Variants in NTM observed in about 807,000 individuals in gnomAD.
The protein encoded by NTM is IgLON family member 2.
A neutral mutation model predicts 42.1 loss-of-function variants in NTM; 13 were observed. That is an observed-to-expected ratio of 0.31 (90% CI 0.20 to 0.49). NTM has a LOEUF of 0.49. Among genes scored for constraint, NTM ranks in the 20% least tolerant of loss-of-function variants. NTM has a pLI of 0.99. For missense variants in NTM, 373 were observed against 452.8 expected, an observed-to-expected ratio of 0.82 and a Z score of 1.60; for synonymous variants, 187 against 179.2, an observed-to-expected ratio of 1.04 and a Z score of -0.35.
chr11:132,031,478 AT>A (rs1484534759), intron 2 of NTM, among the ~76,000 whole-genome samples: 1 of 152,012 alleles, frequency 6.6e-6, no homozygotes, highest in East Asian at 1.9e-4. Flanking sequence ...CATCTTCTGG[AT>A]TTGTTTTTCA....
chr11:132,297,332 T>A (rs1307999655), intron 4 of NTM, among the ~76,000 whole-genome samples: 5 of 152,238 alleles, frequency 3.3e-5, no homozygotes, highest in African/African-American at 9.6e-5. Flanking sequence ...CCATCACTAA[T>A]AAATGGGATT....
At chr11:131,673,653 C>T (rs559647520) in intron 1 of NTM, among the ~76,000 whole-genome samples, 5 of 152,248 alleles carry the variant, frequency 3.3e-5, no homozygotes, top group South Asian at 4.1e-4. Flanking sequence ...CTCTTCCATC[C>T]CTCACTGGGA....
chr11:131,772,250 G>A (rs1339763050), intron 1 of NTM, among the ~76,000 whole-genome samples: 6 of 152,112 alleles, frequency 3.9e-5, no homozygotes, highest in African/African-American at 7.2e-5. Flanking sequence ...GAGTATAGGA[G>A]GCCGAATTCT....
Position 132,002,990 on chromosome 11 carries a change from T to C in NTM, c.167+91342T>C, listed in dbSNP as rs535289321. Among the ~76,000 whole-genome samples, 2 of 152,182 alleles carry C rather than the reference T, an allele frequency of 1.3e-5. No individual in the cohort carries two copies. Among genetic ancestry groups the C allele is most frequent in the Non-Finnish European group, 2.9e-5 (2 of 68,042 alleles). ...TCAAGAAGCTTTTACTGTCCGCCTG[T>C]CAAAGTTCCTGAGCAGCAGCTGATT... is the stretch of plus-strand genomic sequence containing the variant. On this transcript the variant is annotated intron_variant, in intron 2 of 8. Coordinates refer to ENST00000683400, the MANE Select transcript of NTM (RefSeq NM_001352005.2). The surrounding 1 kb of genome is among the most constrained non-coding windows in gnomAD (Gnocchi z 4.5).
At chr11:132,016,909 C>A (rs2073513935) in intron 2 of NTM, among the ~76,000 whole-genome samples, 1 of 151,904 alleles carries the variant, frequency 6.6e-6, no homozygotes, top group Admixed American at 6.6e-5. Flanking sequence ...CTTTGAGAAT[C>A]TTTTCACATG....
chr11:132,171,490 C>A (rs2076112662), intron 3 of NTM, among the ~76,000 whole-genome samples: 1 of 152,126 alleles, frequency 6.6e-6, no homozygotes, highest in African/African-American at 2.4e-5. Flanking sequence ...CTCTTTCTAG[C>A]CTTTTTTATA....
At chr11:132,242,220 G>T (rs1251867209) in intron 4 of NTM, among the ~76,000 whole-genome samples, 2 of 152,178 alleles carry the variant, frequency 1.3e-5, no homozygotes, top group Non-Finnish European at 2.9e-5. Flanking sequence ...AAGCTGTCTT[G>T]ATTTGCATTA....
At chr11:132,199,462 C>T (rs1369786334) in intron 3 of NTM, among the ~76,000 whole-genome samples, 1 of 152,192 alleles carries the variant, frequency 6.6e-6, no homozygotes, top group Non-Finnish European at 1.5e-5. Flanking sequence ...CAGTGGCGTA[C>T]ATCTTTTACA....
At chr11:131,990,036 G>C (rs1343016438) in intron 2 of NTM, among the ~76,000 whole-genome samples, 1 of 152,092 alleles carries the variant, frequency 6.6e-6, no homozygotes, top group Non-Finnish European at 1.5e-5. Flanking sequence ...TATGTAGCTG[G>C]AATTTTGAGA....
At chr11:131,711,818 C>T (rs2077169084) in intron 1 of NTM, among the ~76,000 whole-genome samples, 1 of 151,872 alleles carries the variant, frequency 6.6e-6, no homozygotes. Context: ...ATGACGAGTT[C>T]ATGTCCTTTG....
intron 2 of NTM, among the ~76,000 whole-genome samples, chr11:132,133,435 T>A (rs952674723): frequency 6.6e-6 from 1 of 152,246 alleles, no homozygotes; most frequent in Non-Finnish European, 1.5e-5. Context: ...AATGAACATT[T>A]GGCAAATAAA....
chr11:131,684,969 G>A (rs898809131), intron 1 of NTM, among the ~76,000 whole-genome samples: 6 of 152,204 alleles, frequency 3.9e-5, no homozygotes, highest in African/African-American at 1.4e-4. Flanking sequence ...GTGGACGCTG[G>A]CCCAGAGCCC....
At chr11:131,646,264 A>G (rs959091332) in intron 1 of NTM, among the ~76,000 whole-genome samples, 25 of 152,238 alleles carry the variant, frequency 1.6e-4, no homozygotes, top group African/African-American at 6.0e-4. Context: ...AGCAGAGCTG[A>G]ATAGTTGAAT....
intron 4 of NTM, among the ~76,000 whole-genome samples, chr11:132,271,103 G>A (rs1491003052): frequency 3.9e-5 from 6 of 152,118 alleles, no homozygotes; most frequent in Non-Finnish European, 4.4e-5. Context: ...CCTAAGGCCA[G>A]GCAACCACTA....
Position 131,577,281 on chromosome 11 carries a change from G to C in NTM, c.82+206393G>C, listed in dbSNP as rs563645186. 2.0e-5 allele frequency among the ~76,000 whole-genome samples: 3 copies of C among 152,216 alleles called. No homozygotes were observed. In the South Asian group the frequency reaches 6.2e-4, roughly 32 times the overall value. On this transcript the variant is annotated intron_variant, in intron 1 of 8. Transcript: ENST00000683400. Reference sequence around the variant, plus strand: ...GGGGAAAACATCCTCTGAGCAGATAGCTTGAAAAAAATGACAAGGATTCTT... The same window carrying C: ...GGGGAAAACATCCTCTGAGCAGATACCTTGAAAAAAATGACAAGGATTCTT...
intron 2 of NTM, among the ~76,000 whole-genome samples, chr11:132,021,376 G>C (rs1355061904): frequency 6.6e-6 from 1 of 152,018 alleles, no homozygotes; most frequent in Non-Finnish European, 1.5e-5. Flanking sequence ...CAACATCTGG[G>C]GACAATCAGA....
chr11:131,564,827 A>G (rs1370511438), intron 1 of NTM, among the ~76,000 whole-genome samples: 6 of 152,154 alleles, frequency 3.9e-5, no homozygotes, highest in African/African-American at 1.4e-4. Flanking sequence ...TACAACACAC[A>G]TGCTCAGACA....
intron 4 of NTM, among the ~76,000 whole-genome samples, chr11:132,260,891 C>A (rs1482208641): frequency 1.3e-5 from 2 of 152,178 alleles, no homozygotes; most frequent in African/African-American, 4.8e-5. Flanking sequence ...CTAGGCATCT[C>A]GCCTTGTTTT....
At chr11:131,849,962 A>T (rs1408459802) in intron 1 of NTM, among the ~76,000 whole-genome samples, 1 of 90,734 alleles carries the variant, frequency 1.1e-5, no homozygotes, top group African/African-American at 4.0e-5. Flanking sequence ...CCTAAAACTT[A>T]AAGTATAATA....
Sources: gnomAD v4.1 joint callset for allele counts (sites outside exome capture counted in the v4.1 genomes callset) on GRCh38, gnomAD v4.1.1 for gene constraint, Gnocchi (gnomAD v3.1) non-coding constraint, MANE v1.5 for transcripts, NCBI Gene and HGNC (gene_info 2026-07-23, HGNC 2026-07-21) for gene names.